Variants in PREX1 observed in about 807,000 individuals in gnomAD.
The protein encoded by PREX1 is phosphatidylinositol 3,4,5-trisphosphate-dependent Rac exchanger 1 protein.
In PREX1, 41 loss-of-function variants were observed where a neutral mutation model predicts 198.3. The ratio of observed to expected loss-of-function variants is 0.21; its 90% CI spans 0.16 to 0.27. The LOEUF (loss-of-function observed/expected upper bound fraction) is 0.27. Ranked by LOEUF, PREX1 falls within the 10% of genes least tolerant of loss-of-function variation. PREX1 has a pLI of 1.00. For missense variants in PREX1, 1,620 were observed against 2,200.7 expected (o/e 0.74, Z 5.28); for synonymous variants, 843 against 887.2 (o/e 0.95, Z 0.89).
chr20:48,739,525 T>C (rs6095270), intron 3 of PREX1, among the ~76,000 whole-genome samples: 10,371 of 152,122 alleles, frequency 0.068, 428 homozygotes, highest in South Asian at 0.18. Flanking sequence ...TCAGGCAGAG[T>C]CACTCTTTAC....
chr20:48,795,376 G>A (rs1339444557), intron 1 of PREX1, among the ~76,000 whole-genome samples: 1 of 152,166 alleles, frequency 6.6e-6, no homozygotes, highest in Non-Finnish European at 1.5e-5. Context: ...GCTTAGTACA[G>A]ACCAGTGACT....
rs1431258701 is a variant in PREX1, at chr20:48,717,254, A to ACTC, written c.622-8834_622-8833insGAG. Among the ~76,000 whole-genome samples, 205 of 152,230 alleles carry ACTC rather than the reference A, an allele frequency of 1.3e-3. 5 individuals are homozygous for ACTC. The East Asian group carries it at 0.035, about 26-fold the overall frequency. Reference sequence around the variant, plus strand: ...AAAAGGCAGGAGGGTGGTGTCACCAACAGGGTCTGGGTCAAGCAGAACAAC... The same window carrying ACTC: ...AAAAGGCAGGAGGGTGGTGTCACCAACTCCAGGGTCTGGGTCAAGCAGAACAAC... On this transcript the variant is annotated intron_variant, in intron 5 of 39. Coordinates refer to ENST00000371941, the MANE Select transcript of PREX1 (RefSeq NM_020820.4).
At chr20:48,803,116 A>G (rs1240053406) in intron 1 of PREX1, among the ~76,000 whole-genome samples, 3 of 152,216 alleles carry the variant, frequency 2.0e-5, no homozygotes, top group African/African-American at 7.2e-5. Context: ...CAGATTTGCG[A>G]TATCCTGGTT....
intron 15 of PREX1, among the ~76,000 whole-genome samples, chr20:48,663,685 T>C (rs895530645): frequency 6.6e-6 from 1 of 152,226 alleles, no homozygotes; most frequent in Non-Finnish European, 1.5e-5. Flanking sequence ...ATCTCTGAGT[T>C]AGAACTAAAA....
At chr20:48,881,111 T>C in the PREX1 span, among the ~76,000 whole-genome samples, 2 of 147,276 alleles carry the variant, frequency 1.4e-5, no homozygotes, top group African/African-American at 5.0e-5. Context: ...ATTTCTGCAA[T>C]AATGAAACAA....
At chr20:48,804,904 G>A (rs2123023308) in intron 1 of PREX1, among the ~76,000 whole-genome samples, 1 of 152,330 alleles carries the variant, frequency 6.6e-6, no homozygotes, top group South Asian at 2.1e-4. Flanking sequence ...TGGCGGGGAG[G>A]AGGCAGCAAG....
At chr20:48,697,379 CTTTTCT>C (rs1226019110) in intron 7 of PREX1, among the ~76,000 whole-genome samples, 1 of 121,594 alleles carries the variant, frequency 8.2e-6, no homozygotes, top group African/African-American at 3.9e-5. Flanking sequence ...TTCTTTTTTT[CTTTTCT>C]TTTTTTTTTT....
intron 1 of PREX1, among the ~76,000 whole-genome samples, chr20:48,787,713 A>C (rs1016586954): frequency 6.6e-5 from 10 of 152,234 alleles, no homozygotes; most frequent in Non-Finnish European, 1.5e-4. Flanking sequence ...GGACTAAGGA[A>C]ACCCCTAAAG....
intron 4 of PREX1, among the ~76,000 whole-genome samples, chr20:48,731,952 G>A (rs915755713): frequency 6.6e-6 from 1 of 152,226 alleles, no homozygotes; most frequent in Admixed American, 6.5e-5. Context: ...CTGAACCTGA[G>A]GGAATACTGT....
At chr20:48,758,913 C>A (rs182239073) in intron 1 of PREX1, among the ~76,000 whole-genome samples, 1 of 152,260 alleles carries the variant, frequency 6.6e-6, no homozygotes, top group African/African-American at 2.4e-5. Context: ...CCACCTGAAT[C>A]CAGGCTGCAT....
At chr20:48,814,907 G>A (rs1410981280) in intron 1 of PREX1, among the ~76,000 whole-genome samples, 1 of 152,126 alleles carries the variant, frequency 6.6e-6, no homozygotes, top group East Asian at 1.9e-4. Flanking sequence ...GATGCCTGTA[G>A]GAGATGCACT....
chr20:48,718,127 G>T (rs377079033), intron 5 of PREX1, among the ~76,000 whole-genome samples: 5 of 152,212 alleles, frequency 3.3e-5, no homozygotes, highest in South Asian at 2.1e-4. Context: ...TGCCCTGCAG[G>T]TATCTGTGTT....
the PREX1 span, among the ~76,000 whole-genome samples, chr20:48,848,398 G>T: frequency 6.6e-6 from 1 of 151,734 alleles, no homozygotes; most frequent in East Asian, 1.9e-4. Context: ...GAGACCACAG[G>T]TACACACTAC....
intron 1 of PREX1, among the ~76,000 whole-genome samples, chr20:48,803,376 G>T (rs1340984112): frequency 6.6e-6 from 1 of 152,112 alleles, no homozygotes; most frequent in Non-Finnish European, 1.5e-5. Context: ...ACAGGGAGAT[G>T]AACCCAACAG....
chr20:48,722,233 A>AAACAC (rs1317847644), intron 5 of PREX1, among the ~76,000 whole-genome samples: 7 of 152,346 alleles, frequency 4.6e-5, no homozygotes, highest in African/African-American at 1.7e-4. Context: ...ATGAGTGCAT[A>AAACAC]AACACAACGT....
At chr20:48,882,931 CTTTT>C in the PREX1 span, among the ~76,000 whole-genome samples, 1 of 123,702 alleles carries the variant, frequency 8.1e-6, no homozygotes, top group Non-Finnish European at 1.7e-5. Flanking sequence ...TTGGGTTGTC[CTTTT>C]TTTTTTTTTT....
At chr20:48,804,544 C>T (rs1409588942) in intron 1 of PREX1, among the ~76,000 whole-genome samples, 1 of 152,194 alleles carries the variant, frequency 6.6e-6, no homozygotes, top group Non-Finnish European at 1.5e-5. Context: ...GTCAGAAGAC[C>T]ACAGACTACA....
chr20:48,713,313 A>T (rs372419243), intron 5 of PREX1, among the ~76,000 whole-genome samples: 72 of 150,338 alleles, frequency 4.8e-4, no homozygotes, highest in African/African-American at 1.5e-3. Context: ...TTAGCCAGGC[A>T]TGGTGGTGCA....
chr20:48,692,903 GC>G, intron 7 of PREX1, 113 bp from the exon 8 acceptor site: 1 of 869,816 alleles, frequency 1.1e-6, no homozygotes, highest in Non-Finnish European at 1.9e-6. Context: ...ACAGAGAGGA[GC>G]CCCAGGTAGG....
Sources: gnomAD v4.1 joint callset for allele counts (sites outside exome capture counted in the v4.1 genomes callset) on GRCh38, gnomAD v4.1.1 for gene constraint, MANE v1.5 for transcripts, NCBI Gene and HGNC (gene_info 2026-07-23, HGNC 2026-07-21) for gene names.